STXBP5L: variants seen among roughly 807,000 people sequenced by gnomAD.
STXBP5L encodes syntaxin-binding protein 5-like.
A neutral mutation model predicts 144.5 loss-of-function variants in STXBP5L; 65 were observed. That is an observed-to-expected ratio of 0.45 (90% confidence interval 0.37 to 0.55). STXBP5L has a LOEUF of 0.55. Ranked by LOEUF, STXBP5L falls within the 20% of genes least tolerant of loss-of-function variation. STXBP5L has a pLI of 0.00. For synonymous variants in STXBP5L, 505 were observed against 469.6 expected, an observed-to-expected ratio of 1.08 and a Z score of -0.97; for missense variants, 1,298 against 1,405.5, an observed-to-expected ratio of 0.92 and a Z score of 1.22.
intron 7 of STXBP5L, among the ~76,000 whole-genome samples, chr3:121,124,267 T>C (rs963219189): frequency 6.6e-6 from 1 of 151,926 alleles, no homozygotes; most frequent in East Asian, 1.9e-4. Context: ...GTCCCTTTTC[T>C]TTTTCTGAAT....
chr3:121,062,215 T>C (rs2041317297), intron 5 of STXBP5L, among the ~76,000 whole-genome samples: 1 of 152,178 alleles, frequency 6.6e-6, no homozygotes, highest in Admixed American at 6.5e-5. Flanking sequence ...AGCATTTGCT[T>C]GTCTGTAAAG....
intron 3 of STXBP5L, among the ~76,000 whole-genome samples, chr3:121,029,650 G>A (rs1221900013): frequency 6.6e-6 from 1 of 152,050 alleles, no homozygotes; most frequent in Non-Finnish European, 1.5e-5. Context: ...AATACCAAAA[G>A]CAATGGCAAC....
intron 7 of STXBP5L, among the ~76,000 whole-genome samples, chr3:121,129,303 T>A (rs2044861056): frequency 6.6e-6 from 1 of 152,064 alleles, no homozygotes; most frequent in Non-Finnish European, 1.5e-5. Context: ...CTGCCAATAT[T>A]GTAATCAGAA....
intron 3 of STXBP5L, among the ~76,000 whole-genome samples, chr3:120,988,704 A>C (rs998301456): frequency 6.6e-6 from 1 of 152,062 alleles, no homozygotes; most frequent in Non-Finnish European, 1.5e-5. Flanking sequence ...GTACAAGTGC[A>C]GTTTTGTTAC....
intron 9 of STXBP5L, among the ~76,000 whole-genome samples, chr3:121,179,041 C>G (rs2047041092): frequency 6.6e-6 from 1 of 152,028 alleles, no homozygotes; most frequent in South Asian, 2.1e-4. Flanking sequence ...GGGGCATGGC[C>G]TGAAAGCTGT....
chr3:120,932,069 A>G (rs1197688111), intron 2 of STXBP5L, among the ~76,000 whole-genome samples: 1 of 152,162 alleles, frequency 6.6e-6, no homozygotes, highest in East Asian at 1.9e-4. Context: ...TGTTGCTTGT[A>G]CTGAACACTG....
At chr3:121,251,813 G>C (rs2050034903) in intron 15 of STXBP5L, among the ~76,000 whole-genome samples, 1 of 152,080 alleles carries the variant, frequency 6.6e-6, no homozygotes, top group South Asian at 2.1e-4. Flanking sequence ...AGCCCACAAG[G>C]TAGAGTCCCT....
chr3:121,116,815 A>G (rs2044250670), intron 6 of STXBP5L, among the ~76,000 whole-genome samples: 1 of 152,062 alleles, frequency 6.6e-6, no homozygotes, highest in Non-Finnish European at 1.5e-5. Flanking sequence ...GAATTTTAAT[A>G]GTTTTACATA....
At chr3:121,333,323 C>A (rs937583118) in intron 20 of STXBP5L, among the ~76,000 whole-genome samples, 4 of 151,962 alleles carry the variant, frequency 2.6e-5, no homozygotes, top group Non-Finnish European at 4.4e-5. Flanking sequence ...TTCTTTGAAA[C>A]AAATGAAAAC....
intron 19 of STXBP5L, among the ~76,000 whole-genome samples, chr3:121,305,652 T>A (rs2043313387): frequency 6.6e-6 from 1 of 152,116 alleles, no homozygotes; most frequent in African/African-American, 2.4e-5. Flanking sequence ...ATTTCCTCAA[T>A]AGAATAAACC....
rs74810424 is a variant in STXBP5L, at chr3:121,102,346, A to T, written c.471-12579A>T. Among the ~76,000 whole-genome samples the T allele has an allele frequency of 5.4e-3, 827 of 152,192 alleles. 7 individuals are homozygous for T. The highest frequency in any genetic ancestry group is 0.019 in the African/African-American group (779 of 41,558). On this transcript the variant is annotated intron_variant, in intron 5 of 26. Coordinates refer to ENST00000471454, the MANE Select transcript of STXBP5L (RefSeq NM_001308330.2). ...AGTGTACAGTAACCAAAAGAGCATC[A>T]TACAGGTATACAAAGAGAGATAGAC...
intron 7 of STXBP5L, among the ~76,000 whole-genome samples, chr3:121,151,392 T>C (rs1234704049): frequency 1.3e-5 from 2 of 152,186 alleles, no homozygotes; most frequent in East Asian, 3.8e-4. Flanking sequence ...TAAATGTATA[T>C]TGCTTTAATG....
chr3:121,395,989 A>C (rs1220680791), intron 22 of STXBP5L, among the ~76,000 whole-genome samples: 2 of 152,176 alleles, frequency 1.3e-5, no homozygotes, highest in East Asian at 3.9e-4. Context: ...TGGTATCCAA[A>C]TTGGCTGTTG....
chr3:121,223,302 A>T, intron 11 of STXBP5L, 145 bp downstream of exon 11: 1 of 785,330 alleles, frequency 1.3e-6, no homozygotes, highest in Non-Finnish European at 1.9e-6. Flanking sequence ...CTGCAACTGT[A>T]CCTACTTGAG....
intron 18 of STXBP5L, among the ~76,000 whole-genome samples, chr3:121,265,426 G>A (rs2050529981): frequency 6.6e-6 from 1 of 152,150 alleles, no homozygotes; most frequent in Admixed American, 6.6e-5. Flanking sequence ...TGAAACCAAT[G>A]AGAACAGACA....
At chr3:121,027,771 C>G (rs1576703515) in intron 3 of STXBP5L, among the ~76,000 whole-genome samples, 1 of 152,078 alleles carries the variant, frequency 6.6e-6, no homozygotes. Context: ...TTAATTTCAC[C>G]TTGTCATGTA....
At chr3:121,039,912 A>AT (rs201060510) in intron 3 of STXBP5L, among the ~76,000 whole-genome samples, 3 of 151,916 alleles carry the variant, frequency 2.0e-5, no homozygotes, top group African/African-American at 4.8e-5. Flanking sequence ...TCCTCAATGA[A>AT]TTTTTTTAAA....
intron 5 of STXBP5L, among the ~76,000 whole-genome samples, chr3:121,093,197 C>T (rs2042915013): frequency 6.6e-6 from 1 of 152,186 alleles, no homozygotes. Flanking sequence ...AGGATTTTTG[C>T]ATCAATGTTC....
chr3:120,913,631 G>A (rs1329776796), intron 2 of STXBP5L, among the ~76,000 whole-genome samples: 1 of 152,002 alleles, frequency 6.6e-6, no homozygotes, highest in Non-Finnish European at 1.5e-5. Flanking sequence ...TGTGATTGGA[G>A]TTCTGTGTGG....
Sources: gnomAD v4.1 joint callset for allele counts (sites outside exome capture counted in the v4.1 genomes callset) on GRCh38, gnomAD v4.1.1 for gene constraint, MANE v1.5 for transcripts, NCBI Gene and HGNC (gene_info 2026-07-23, HGNC 2026-07-21) for gene names.